The following SLCO1B1 variants were observed in gnomAD, a reference collection of about 807,000 sequenced individuals.
SLCO1B1 encodes the protein solute carrier organic anion transporter family member 1B1, also known as OATP-2.
A neutral mutation model predicts 70.1 loss-of-function variants in SLCO1B1; 81 were observed. The ratio of observed to expected loss-of-function variants is 1.16; its 90% confidence interval spans 0.97 to 1.39. The LOEUF (loss-of-function observed/expected upper bound fraction) is 1.39. Among genes scored for constraint, SLCO1B1 ranks in the 40% most tolerant of loss-of-function variants. SLCO1B1 has a pLI of 0.00. For synonymous variants in SLCO1B1, 283 were observed against 271.5 expected (o/e 1.04, Z -0.42); for missense variants, 895 against 799.6 (o/e 1.12, Z -1.44).
intron 2 of SLCO1B1, among the ~76,000 whole-genome samples, chr12:21,150,403 C>G (rs1940455134): frequency 6.6e-6 from 1 of 152,144 alleles, no homozygotes; most frequent in Non-Finnish European, 1.5e-5. Flanking sequence ...GACTGGGAGA[C>G]ACCTCACAGC....
intron 14 of SLCO1B1, among the ~76,000 whole-genome samples, chr12:21,235,498 T>G (rs920477696): frequency 6.6e-6 from 1 of 150,780 alleles, no homozygotes; most frequent in Admixed American, 6.7e-5. Context: ...TTTAATCCAC[T>G]TTGCTACTCT....
chr12:21,198,935 T>A (rs940436925), intron 8 of SLCO1B1, among the ~76,000 whole-genome samples: 2 of 152,088 alleles, frequency 1.3e-5, no homozygotes, highest in African/African-American at 4.8e-5. Context: ...TATACTCCAT[T>A]TCTGTTGAAG....
chr12:21,234,650 T>G (rs1036857849), intron 14 of SLCO1B1, among the ~76,000 whole-genome samples: 2 of 152,188 alleles, frequency 1.3e-5, no homozygotes, highest in Middle Eastern at 3.2e-3. Flanking sequence ...GGTTATAGTT[T>G]TGCAGTGAAA....
intron 11 of SLCO1B1, among the ~76,000 whole-genome samples, chr12:21,207,301 C>G (rs1320808930): frequency 6.6e-6 from 1 of 151,896 alleles, no homozygotes; most frequent in African/African-American, 2.4e-5. Context: ...TATCTCTCCA[C>G]TCTAGTAGTC....
intron 14 of SLCO1B1, among the ~76,000 whole-genome samples, chr12:21,232,422 G>A (rs979186938): frequency 1.9e-4 from 29 of 152,076 alleles, no homozygotes; most frequent in African/African-American, 6.8e-4. Flanking sequence ...AAGCTCCCAC[G>A]GACATAAAAC....
chr12:21,145,908 A>T (rs191342139), intron 2 of SLCO1B1, among the ~76,000 whole-genome samples: 1 of 152,088 alleles, frequency 6.6e-6, no homozygotes. Context: ...CAGTTTAAGG[A>T]CTTACTTGTA....
intron 14 of SLCO1B1, 123 bp downstream of exon 14, chr12:21,224,962 CA>C: frequency 1.7e-6 from 1 of 584,980 alleles, no homozygotes; most frequent in South Asian, 2.4e-5. Flanking sequence ...ACTGACTTTG[CA>C]TGCAGTATGG....
chr12:21,176,640 G>A, intron 4 of SLCO1B1, 136 bp from the exon 5 acceptor site: 1 of 679,448 alleles, frequency 1.5e-6, no homozygotes, highest in Non-Finnish European at 2.6e-6. Flanking sequence ...CACATGCTGG[G>A]AAATTGACAG....
chr12:21,212,929 C>T (rs544767138), intron 11 of SLCO1B1, among the ~76,000 whole-genome samples: 2 of 152,114 alleles, frequency 1.3e-5, no homozygotes, highest in East Asian at 1.9e-4. Flanking sequence ...AGATCTTCCT[C>T]CATCCTTTTA....
chr12:21,196,174 A>G (rs1379946027), intron 7 of SLCO1B1, among the ~76,000 whole-genome samples: 1 of 152,154 alleles, frequency 6.6e-6, no homozygotes, highest in East Asian at 1.9e-4. Flanking sequence ...TCGCTGTATA[A>G]TTGTTGAATA....
rs768154342 is a variant in SLCO1B1, at chr12:21,202,533, G to A, written c.1178G>A (p.Gly393Glu). Reference sequence around the variant, plus strand: ...ATTTTTGCAAGTGGAATGTTTTTAGGAGGATATATCATTAAAAAATTCAAA... The same window carrying A: ...ATTTTTGCAAGTGGAATGTTTTTAGAAGGATATATCATTAAAAAATTCAAA... Reference protein sequence around the residue: ...IPIFASGMFLGGYIIKKFKLN... With the variant: ...IPIFASGMFLEGYIIKKFKLN... Residue 393 changes from glycine to glutamate, a missense_variant, in exon 10 of 15, where the codon GGA (glycine) becomes GAA (glutamate). Gly to Glu is a moderately conservative substitution (Grantham distance 98, BLOSUM62 -2). Transcript: ENST00000256958. 1.7e-5 allele frequency: 28 copies of A among 1,610,862 alleles called. No homozygotes were observed. In the African/African-American group the frequency reaches 2.3e-4, roughly 13 times the overall value.
intron 4 of SLCO1B1, 146 bp from the exon 5 acceptor site, chr12:21,176,630 C>A: frequency 1.6e-6 from 1 of 641,164 alleles, no homozygotes; most frequent in Non-Finnish European, 2.8e-6. Flanking sequence ...TCTCTTAAAA[C>A]ACATGCTGGG....
chr12:21,220,537 G>C (rs575623798), intron 12 of SLCO1B1, among the ~76,000 whole-genome samples: 1 of 152,220 alleles, frequency 6.6e-6, no homozygotes, highest in East Asian at 1.9e-4. Context: ...TCTAGGGACT[G>C]AGTACAGATA....
chr12:21,131,376 A>T (rs1298086862), intron 1 of SLCO1B1, 140 bp downstream of exon 1: 1 of 152,066 alleles, frequency 6.6e-6, no homozygotes, highest in East Asian at 1.9e-4. Context: ...GAGCCCTTAA[A>T]ACATAGTAAA....
At chr12:21,213,953 G>T (rs1208357882) in intron 11 of SLCO1B1, among the ~76,000 whole-genome samples, 1 of 149,538 alleles carries the variant, frequency 6.7e-6, no homozygotes, top group Admixed American at 6.6e-5. Flanking sequence ...GGTTATTCTA[G>T]TTATACATTC....
At chr12:21,220,682 T>C (rs1475258547) in intron 12 of SLCO1B1, among the ~76,000 whole-genome samples, 1 of 151,778 alleles carries the variant, frequency 6.6e-6, no homozygotes, top group African/African-American at 2.4e-5. Context: ...ATAAAGCATA[T>C]GTCAAAAAGA....
At chr12:21,217,366 C>A (rs1941371998) in intron 12 of SLCO1B1, 63 bp downstream of exon 12, 1 of 1,167,896 alleles carries the variant, frequency 8.6e-7, no homozygotes, top group Non-Finnish European at 1.3e-6. Flanking sequence ...TAATGATATG[C>A]ATATTTTTAC....
At chr12:21,148,392 G>A (rs145739972) in intron 2 of SLCO1B1, among the ~76,000 whole-genome samples, 5,764 of 151,978 alleles carry the variant, frequency 0.038, 399 homozygotes, top group East Asian at 0.32. Context: ...TGAATAAGGT[G>A]TAAGAAAGGG....
At chr12:21,133,956 A>T (rs948500099) in intron 1 of SLCO1B1, among the ~76,000 whole-genome samples, 1 of 152,144 alleles carries the variant, frequency 6.6e-6, no homozygotes, top group Non-Finnish European at 1.5e-5. Flanking sequence ...TCAGTATCAT[A>T]TTGGCTGCAG....
Sources: gnomAD v4.1 joint callset for allele counts (sites outside exome capture counted in the v4.1 genomes callset) on GRCh38, gnomAD v4.1.1 for gene constraint, MANE v1.5 for transcripts, NCBI Gene and HGNC (gene_info 2026-07-23, HGNC 2026-07-21) for gene names.